Variants in SLC24A3 observed in about 807,000 individuals in gnomAD.
The protein encoded by SLC24A3 is solute carrier family 24 member 3, also known as sodium/potassium/calcium exchanger 3.
A neutral mutation model predicts 75.8 loss-of-function variants in SLC24A3; 28 were observed. That is an observed-to-expected ratio of 0.37 (90% CI 0.27 to 0.51). SLC24A3 has a LOEUF of 0.51. Ranked by LOEUF, SLC24A3 falls within the 20% of genes least tolerant of loss-of-function variation. SLC24A3 has a pLI of 0.94. For missense variants in SLC24A3, 663 were observed against 847.8 expected, an observed-to-expected ratio of 0.78 and a Z score of 2.71; for synonymous variants, 372 against 334.1, an observed-to-expected ratio of 1.11 and a Z score of -1.24.
At chr20:19,644,092 T>C (rs571987667) in intron 6 of SLC24A3, among the ~76,000 whole-genome samples, 2 of 152,178 alleles carry the variant, frequency 1.3e-5, no homozygotes, top group Non-Finnish European at 2.9e-5. Flanking sequence ...CTGCTCAAAA[T>C]AGATGAAGTA....
rs144969899 is a variant in SLC24A3, at chr20:19,576,407, C to A, written c.349-3593C>A. 2.6e-5 allele frequency among the ~76,000 whole-genome samples: 4 copies of A among 152,228 alleles called. No homozygotes were observed. In the East Asian group the frequency reaches 7.7e-4, roughly 29 times the overall value. On this transcript the variant is annotated intron_variant, in intron 3 of 16. Coordinates refer to ENST00000328041, the MANE Select transcript of SLC24A3 (RefSeq NM_020689.4). ...GTTCTCTTTGCTTGTGCTGCAGGAA[C>A]CTGTTTTCCAGTGAGTAACATGAGA...
At chr20:19,315,437 T>C (rs1231832811) in intron 2 of SLC24A3, among the ~76,000 whole-genome samples, 1 of 152,186 alleles carries the variant, frequency 6.6e-6, no homozygotes, top group African/African-American at 2.4e-5. Flanking sequence ...AGGAATGGAA[T>C]GGAGTGTTCT....
chr20:19,522,365 C>T (rs2030113940), intron 3 of SLC24A3, among the ~76,000 whole-genome samples: 1 of 152,172 alleles, frequency 6.6e-6, no homozygotes, highest in East Asian at 1.9e-4. Flanking sequence ...GAAGGCACTG[C>T]CAGGCCACCA....
At chr20:19,365,999 C>G (rs1454369372) in intron 2 of SLC24A3, among the ~76,000 whole-genome samples, 1 of 152,136 alleles carries the variant, frequency 6.6e-6, no homozygotes, top group Non-Finnish European at 1.5e-5. Flanking sequence ...TCTCCCTTTG[C>G]TAACCCCTTC....
intron 2 of SLC24A3, among the ~76,000 whole-genome samples, chr20:19,282,311 A>AACAAAC (rs1983688621): frequency 6.6e-6 from 1 of 152,168 alleles, no homozygotes; most frequent in Non-Finnish European, 1.5e-5. Context: ...CAAAAACAAA[A>AACAAAC]ACAAACAAAA....
intron 8 of SLC24A3, among the ~76,000 whole-genome samples, chr20:19,671,605 C>G (rs1047801946): frequency 2.6e-5 from 4 of 151,442 alleles, no homozygotes; most frequent in Non-Finnish European, 4.4e-5. Flanking sequence ...GGGAGTGGTA[C>G]AGTTGACTGA....
intron 2 of SLC24A3, among the ~76,000 whole-genome samples, chr20:19,453,135 G>A (rs575407732): frequency 4.1e-4 from 63 of 152,184 alleles, no homozygotes; most frequent in African/African-American, 6.0e-4. Flanking sequence ...ACCCGAGATC[G>A]CACCACTGCA....
intron 2 of SLC24A3, among the ~76,000 whole-genome samples, chr20:19,503,638 C>T (rs756020150): frequency 2.2e-4 from 33 of 152,300 alleles, no homozygotes; most frequent in African/African-American, 7.2e-4. Flanking sequence ...AAGGAGGGGG[C>T]CAGAGGTGGC....
intron 2 of SLC24A3, among the ~76,000 whole-genome samples, chr20:19,301,348 A>C (rs1289863614): frequency 6.6e-6 from 1 of 152,206 alleles, no homozygotes; most frequent in African/African-American, 2.4e-5. Context: ...CAGCTGTTTC[A>C]GCTCCTCTTA....
intron 6 of SLC24A3, among the ~76,000 whole-genome samples, chr20:19,594,637 C>T (rs1310159907): frequency 1.3e-5 from 2 of 152,056 alleles, no homozygotes; most frequent in East Asian, 1.9e-4. Flanking sequence ...TAGCAGGCTT[C>T]GAGATGTTAA....
chr20:19,230,062 ATTT>A (rs11087276), intron 1 of SLC24A3, among the ~76,000 whole-genome samples: 1 of 147,048 alleles, frequency 6.8e-6, no homozygotes, highest in African/African-American at 2.5e-5. Context: ...CCCATAATAG[ATTT>A]TTTTTTTTTT....
intron 2 of SLC24A3, among the ~76,000 whole-genome samples, chr20:19,400,907 T>C (rs898019373): frequency 1.3e-5 from 2 of 152,200 alleles, no homozygotes; most frequent in African/African-American, 4.8e-5. Context: ...TTTGGTTGTT[T>C]AATGTAGGAG....
intron 5 of SLC24A3, 109 bp from the exon 6 acceptor site, chr20:19,585,332 T>C: frequency 9.2e-7 from 1 of 1,085,906 alleles, no homozygotes; most frequent in South Asian, 1.5e-5. Context: ...CCCTCAGCTG[T>C]TTCCTGTAGA....
At chr20:19,639,983 G>C (rs567034928) in intron 6 of SLC24A3, among the ~76,000 whole-genome samples, 43 of 152,348 alleles carry the variant, frequency 2.8e-4, no homozygotes, top group African/African-American at 1.0e-3. Context: ...CCGCAAGCGC[G>C]GAGCGCAGCC....
chr20:19,680,968 G>C (rs764120413), intron 9 of SLC24A3, among the ~76,000 whole-genome samples: 54 of 152,308 alleles, frequency 3.5e-4, no homozygotes, highest in Non-Finnish European at 6.3e-4. Flanking sequence ...CCAGTGGGCT[G>C]TCCCATGGCC....
chr20:19,719,307 GA>G (rs1182530264), intron 16 of SLC24A3, among the ~76,000 whole-genome samples: 2 of 152,072 alleles, frequency 1.3e-5, no homozygotes, highest in Non-Finnish European at 2.9e-5. Context: ...GGAAATTCAG[GA>G]AAAAAAGTGT....
At chr20:19,716,497 G>A (rs117128008) in intron 15 of SLC24A3, among the ~76,000 whole-genome samples, 8,154 of 151,614 alleles carry the variant, frequency 0.054, 267 homozygotes, top group Middle Eastern at 0.12. Context: ...ATGTTGGAGA[G>A]CACAGATATA....
chr20:19,556,214 G>A (rs892045845), intron 3 of SLC24A3, among the ~76,000 whole-genome samples: 2 of 152,006 alleles, frequency 1.3e-5, no homozygotes, highest in African/African-American at 2.4e-5. Context: ...AATTTGGGGG[G>A]GACATACACA....
intron 2 of SLC24A3, among the ~76,000 whole-genome samples, chr20:19,325,793 TATAGAGAGAG>T (rs1336008065): frequency 4.3e-4 from 36 of 82,800 alleles, no homozygotes; most frequent in South Asian, 3.0e-3. Context: ...TATATATATA[TATAGAGAGAG>T]AGAGAGAGAG....
Sources: gnomAD v4.1 joint callset for allele counts (sites outside exome capture counted in the v4.1 genomes callset) on GRCh38, gnomAD v4.1.1 for gene constraint, MANE v1.5 for transcripts, NCBI Gene and HGNC (gene_info 2026-07-23, HGNC 2026-07-21) for gene names.